Variants in RANBP3 observed in about 807,000 individuals in gnomAD.
RANBP3 encodes RAN binding protein 3, also known as ran-binding protein 3.
In RANBP3, 14 loss-of-function variants were observed where a neutral mutation model predicts 77.3. The ratio of observed to expected loss-of-function variants is 0.18; its 90% confidence interval spans 0.12 to 0.28. The LOEUF is 0.28. RANBP3 is among the 10% of genes least tolerant of loss of function. The pLI, the probability that RANBP3 is intolerant of heterozygous loss-of-function variation, is 1.00. For synonymous variants in RANBP3, 315 were observed against 312.4 expected (o/e 1.01, Z -0.09); for missense variants, 586 against 752.3 (o/e 0.78, Z 2.59).
In RANBP3 at chr19:5,924,407, C is replaced by T. The variant is rs2057872904; in HGVS notation, c.996+420G>A. 6.6e-6 allele frequency among the ~76,000 whole-genome samples: 1 copy of T among 152,258 alleles called. No homozygotes were observed. Among genetic ancestry groups the T allele is most frequent in the Non-Finnish European group, 1.5e-5 (1 of 68,048 alleles). ...CTCCTGGGAACGGAGATGGGCCTTT[C>T]GTGCACCCAAGGCCTTGGCCGCGGT... is the stretch of plus-strand genomic sequence containing the variant. On this transcript the variant is annotated intron_variant, in intron 11 of 16. Transcript: ENST00000340578. The surrounding 1 kb of genome is among the most constrained non-coding windows in gnomAD (Gnocchi z 4.7).
rs2057823570 is a variant in RANBP3, at chr19:5,921,774, C to A, written c.1210-453G>T. Among the ~76,000 whole-genome samples the A allele has an allele frequency of 4.6e-5, 7 of 152,226 alleles. No individual in the cohort carries two copies. The highest frequency in any genetic ancestry group is 4.6e-4 in the Admixed American group (7 of 15,290). On this transcript the variant is annotated intron_variant, in intron 13 of 16. Coordinates refer to ENST00000340578, the MANE Select transcript of RANBP3 (RefSeq NM_007322.3). This position sits in a 1 kb window ranked among gnomAD's most constrained non-coding sequence, Gnocchi z 5.3. ...TGTTCGTGTTCACACACAGATCGCA[C>A]ATGAACGTGCACAGCACCATCATTC...
chr19:5,957,529 CCCCT>C (rs891662055), intron 2 of RANBP3, among the ~76,000 whole-genome samples: 9 of 146,956 alleles, frequency 6.1e-5, no homozygotes, highest in South Asian at 2.3e-4. Flanking sequence ...TCTCCTCCTT[CCCCT>C]CCCTCCCTCC....
At chr19:5,962,531 A>G (rs2058416735) in intron 1 of RANBP3, among the ~76,000 whole-genome samples, 1 of 152,160 alleles carries the variant, frequency 6.6e-6, no homozygotes, top group Non-Finnish European at 1.5e-5. Flanking sequence ...CCGCAAGGAC[A>G]AGGACCCAGG....
intron 1 of RANBP3, among the ~76,000 whole-genome samples, chr19:5,967,158 T>C (rs2145258358): frequency 6.6e-6 from 1 of 152,356 alleles, no homozygotes; most frequent in South Asian, 2.1e-4. Context: ...TCTCCGTGTA[T>C]AGCATGCTCG....
chr19:5,925,041 G>T, intron 10 of RANBP3, 136 bp from the exon 11 acceptor site: 1 of 790,646 alleles, frequency 1.3e-6, no homozygotes, highest in Non-Finnish European at 2.2e-6. Flanking sequence ...GGGGTGGCGT[G>T]TCAGAGGCAG....
intron 1 of RANBP3, among the ~76,000 whole-genome samples, chr19:5,968,761 C>G (rs1280435287): frequency 6.6e-6 from 1 of 152,244 alleles, no homozygotes; most frequent in East Asian, 1.9e-4. Flanking sequence ...AGCAGCCAAG[C>G]CTTGCTCTCA....
chr19:5,932,205 C>G (rs563732389), intron 7 of RANBP3, among the ~76,000 whole-genome samples: 9 of 152,350 alleles, frequency 5.9e-5, no homozygotes, highest in African/African-American at 2.2e-4. Context: ...TTCACCCACA[C>G]AGTCACACTC....
chr19:5,941,011 C>G (rs1393342734), intron 5 of RANBP3, among the ~76,000 whole-genome samples: 1 of 152,268 alleles, frequency 6.6e-6, no homozygotes, highest in Non-Finnish European at 1.5e-5. Context: ...CCAGGCCTCA[C>G]GTCCAGGGCC....
At chr19:5,962,575 C>A in intron 1 of RANBP3, 1 of 437,040 alleles carries the variant, frequency 2.3e-6, no homozygotes, top group Non-Finnish European at 4.6e-6. Context: ...AGGAACGGAA[C>A]CAAGAGGATA....
At chr19:5,934,706 T>A (rs1463754795) in intron 5 of RANBP3, among the ~76,000 whole-genome samples, 2 of 152,086 alleles carry the variant, frequency 1.3e-5, no homozygotes, top group Non-Finnish European at 1.5e-5. Flanking sequence ...TGGTGGTACA[T>A]GCCTGTAGTC....
In RANBP3 at chr19:5,921,580, G is replaced by A. The variant is rs1233233993; in HGVS notation, c.1210-259C>T. Reference sequence around the variant, plus strand: ...GAAGCCTCTCTGCGCACTCTAGGACGGCTATACCCATGTGGGGAAGCTGGA... The same window carrying A: ...GAAGCCTCTCTGCGCACTCTAGGACAGCTATACCCATGTGGGGAAGCTGGA... On this transcript the variant is annotated intron_variant, in intron 13 of 16. Coordinates refer to ENST00000340578, the MANE Select transcript of RANBP3 (RefSeq NM_007322.3). This position sits in a 1 kb window ranked among gnomAD's most constrained non-coding sequence, Gnocchi z 5.3. Among the ~76,000 whole-genome samples, 4 of 152,222 alleles carry A rather than the reference G, an allele frequency of 2.6e-5. No individual in the cohort carries two copies. Among genetic ancestry groups the A allele is most frequent in the African/African-American group, 4.8e-5 (2 of 41,462 alleles).
intron 1 of RANBP3, among the ~76,000 whole-genome samples, chr19:5,972,146 C>T (rs1041296130): frequency 1.7e-4 from 26 of 152,388 alleles, no homozygotes; most frequent in African/African-American, 6.0e-4. Context: ...TGGTTTTCAA[C>T]TCTGGCTTCA....
intron 1 of RANBP3, 134 bp downstream of exon 1, chr19:5,977,927 G>T: frequency 8.4e-7 from 1 of 1,188,962 alleles, no homozygotes; most frequent in Non-Finnish European, 1.1e-6. Flanking sequence ...CGGCTGCAAG[G>T]CCCGCCACGG....
chr19:5,948,282 C>T (rs1269891627), intron 3 of RANBP3, among the ~76,000 whole-genome samples: 1 of 152,018 alleles, frequency 6.6e-6, no homozygotes, highest in Non-Finnish European at 1.5e-5. Context: ...AACCCTGTCA[C>T]TACCAAAAAT....
At position 5,938,065 on chromosome 19, in the gene RANBP3, CA is replaced by C. The variant is rs372724980; in HGVS notation, c.406+3555del. 1.7e-3 allele frequency among the ~76,000 whole-genome samples: 259 copies of C among 152,222 alleles called. 5 individuals are homozygous for C. Among genetic ancestry groups the C allele is most frequent in the African/African-American group, 5.9e-3 (244 of 41,528 alleles). ...GCAGGATGAGACCAGGTGGTCGGCT[CA>C]AAACAGTTTGCTTTTAGAGTCAAAA... On this transcript the variant is annotated intron_variant, in intron 5 of 16. Coordinates refer to ENST00000340578, the MANE Select transcript of RANBP3 (RefSeq NM_007322.3).
At chr19:5,965,551 T>C (rs1398551721) in intron 1 of RANBP3, among the ~76,000 whole-genome samples, 1 of 152,096 alleles carries the variant, frequency 6.6e-6, no homozygotes, top group Non-Finnish European at 1.5e-5. Flanking sequence ...GTAGAGCCCC[T>C]TGGGACAGGG....
chr19:5,960,253 T>C (rs1163355546), intron 1 of RANBP3, among the ~76,000 whole-genome samples: 1 of 152,214 alleles, frequency 6.6e-6, no homozygotes, highest in East Asian at 1.9e-4. Context: ...GTGCTGATTT[T>C]TGCTTAAGCC....
At chr19:5,940,406 C>T (rs1274574650) in intron 5 of RANBP3, among the ~76,000 whole-genome samples, 1 of 152,150 alleles carries the variant, frequency 6.6e-6, no homozygotes, top group East Asian at 1.9e-4. Context: ...TAAAAGGATG[C>T]CAACTGCAGC....
intron 5 of RANBP3, 115 bp downstream of exon 5, chr19:5,941,506 G>T: frequency 1.1e-6 from 1 of 923,220 alleles, no homozygotes; most frequent in African/African-American, 1.7e-5. Context: ...GCCTCAGATC[G>T]ACTCTAACCG....
Sources: allele counts gnomAD v4.1 joint callset (sites outside exome capture counted in the v4.1 genomes callset), GRCh38; gene constraint gnomAD v4.1.1; non-coding constraint Gnocchi (gnomAD v3.1); transcripts MANE v1.5; gene names NCBI Gene and HGNC (gene_info 2026-07-23, HGNC 2026-07-21).